PCDHA7: variants seen among roughly 807,000 people sequenced by gnomAD.
PCDHA7 encodes protocadherin alpha-7.
PCDHA7 carries 37 observed loss-of-function variants against 57.2 expected under a neutral mutation model. The observed-to-expected ratio is 0.65, with a 90% CI of 0.50 to 0.85. PCDHA7 has a LOEUF of 0.85. PCDHA7 is among the 40% of genes least tolerant of loss of function. The pLI is 0.00. For synonymous variants in PCDHA7, 553 were observed against 558.8 expected, an observed-to-expected ratio of 0.99 and a Z score of 0.15; for missense variants, 1,188 against 1,241.8, an observed-to-expected ratio of 0.96 and a Z score of 0.65.
In PCDHA7 at chr5:140,946,611, A is replaced by AATATATATATATAT. The variant is rs1554217734; in HGVS notation, c.2356-32330_2356-32317dup. Among the ~76,000 whole-genome samples the AATATATATATATAT allele has an allele frequency of 6.8e-3, 593 of 86,748 alleles. 22 individuals are homozygous for AATATATATATATAT. Among genetic ancestry groups the AATATATATATATAT allele is most frequent in the African/African-American group, 0.021 (323 of 15,664 alleles). The allele number at this position is 86,748 out of a possible 152,430, so 56.9% of individuals were successfully genotyped here. A position where few individuals can be genotyped will look rare whatever the true frequency, so the allele number is the denominator to read the frequency against. On this transcript the variant is annotated intron_variant, in intron 1 of 3. Coordinates refer to ENST00000525929, the MANE Select transcript of PCDHA7 (RefSeq NM_018910.3). ...GGATGAATAGATAAAGAAAATGTGA[A>AATATATATATATAT]ATATATATATATATATATATACAAT... is the stretch of plus-strand genomic sequence containing the variant.
At chr5:140,931,962 A>G (rs1439185046) in intron 1 of PCDHA7, among the ~76,000 whole-genome samples, 1 of 151,924 alleles carries the variant, frequency 6.6e-6, no homozygotes, top group Non-Finnish European at 1.5e-5. Context: ...AATCATGTTG[A>G]TGCATATGTG....
chr5:140,982,648 G>T, intron 3 of PCDHA7, 85 bp downstream of exon 3: 5 of 1,508,154 alleles, frequency 3.3e-6, no homozygotes, highest in Non-Finnish European at 4.4e-6. Flanking sequence ...GAATGTTGAT[G>T]GCTCTTTTTC....
chr5:140,838,939 AAAAT>A lies in PCDHA7; in HGVS notation c.2355+2205_2355+2208del, dbSNP rs140008993. 4.7e-3 allele frequency among the ~76,000 whole-genome samples: 708 copies of A among 152,118 alleles called. 10 individuals are homozygous for A. The highest frequency in any genetic ancestry group is 5.1e-3 in the Non-Finnish European group (345 of 67,986). ...CAAAAATAAAATAAAATGAAATAATAAAATAAAATAAAATAAAAACCCAGAACTG... is the reference window on the plus strand; with the variant it reads ...CAAAAATAAAATAAAATGAAATAATAAAAATAAAATAAAAACCCAGAACTG... On this transcript the variant is annotated intron_variant, in intron 1 of 3. Coordinates refer to ENST00000525929, the MANE Select transcript of PCDHA7 (RefSeq NM_018910.3).
rs2150372271 is a variant in PCDHA7, at chr5:140,844,591, T to C, written c.2355+7853T>C. ...TAATATTCCACATTAAAGTGATATT[T>C]AATATATGACTTAGAAAAATGTTTT... On this transcript the variant is annotated intron_variant, in intron 1 of 3. Transcript: ENST00000525929. Among the ~76,000 whole-genome samples the C allele has an allele frequency of 8.0e-5, 12 of 149,484 alleles. 2 individuals carry two copies. Among genetic ancestry groups the C allele is most frequent in the Non-Finnish European group, 1.6e-4 (11 of 66,840 alleles).
intron 1 of PCDHA7, chr5:140,851,680 A>G (rs2042128414): frequency 2.2e-6 from 2 of 918,856 alleles, no homozygotes; most frequent in African/African-American, 3.6e-5. Flanking sequence ...AATTTTCTCC[A>G]TTCAGTGATA....
chr5:140,850,353 A>G, intron 1 of PCDHA7: 1 of 1,597,852 alleles, frequency 6.3e-7, no homozygotes, highest in Non-Finnish European at 8.6e-7. Context: ...CAGCGCGAGC[A>G]TCCCGTTCCG....
chr5:140,852,387 C>T (rs1288868596), intron 1 of PCDHA7: 3 of 184,816 alleles, frequency 1.6e-5, no homozygotes, highest in African/African-American at 4.9e-5. Context: ...AAGCAATTCT[C>T]CTGCCTCAGC....
At chr5:140,851,542 C>T in intron 1 of PCDHA7, 1 of 907,540 alleles carries the variant, frequency 1.1e-6, no homozygotes, top group Non-Finnish European at 1.3e-6. Context: ...GTAGATAATT[C>T]AAGAAATGTT....
chr5:140,977,701 G>A (rs1299788207), intron 1 of PCDHA7, among the ~76,000 whole-genome samples: 2 of 152,146 alleles, frequency 1.3e-5, no homozygotes, highest in African/African-American at 4.8e-5. Context: ...AAATCTGTCT[G>A]AATATTGAGA....
intron 1 of PCDHA7, chr5:140,841,596 G>A (rs782464159): frequency 6.2e-7 from 1 of 1,614,094 alleles, no homozygotes; most frequent in Non-Finnish European, 8.5e-7. Flanking sequence ...CGGATCGACC[G>A]CGAGGAGCTG....
At position 140,836,595 on chromosome 5, in the gene PCDHA7, ACT is replaced by A. The variant is rs2150265014; in HGVS notation, c.2215_2216del (p.Leu739GlyfsTer53). 1 of 1,613,556 alleles carries A rather than the reference ACT, an allele frequency of 6.2e-7. No homozygotes were observed. The highest frequency in any genetic ancestry group is 8.5e-7 in the Non-Finnish European group (1 of 1,179,788). ...SEGACSLVKP[T>X]LVCSSAVGSW... ...GGGCGCATGTAGTTTGGTAAAGCCC[ACT>A]CTGGTGTGCTCCAGCGCGGTGGGGA... On this transcript the variant is annotated frameshift_variant, in exon 1 of 4. Transcript: ENST00000525929. LOFTEE classifies it high-confidence loss of function.
intron 1 of PCDHA7, chr5:140,841,873 A>T: frequency 6.2e-7 from 1 of 1,613,866 alleles, no homozygotes; most frequent in Non-Finnish European, 8.5e-7. Context: ...ATGTGAATTC[A>T]AAGAACGATG....
At chr5:140,999,524 C>T (rs1367103048) in intron 3 of PCDHA7, among the ~76,000 whole-genome samples, 1 of 152,026 alleles carries the variant, frequency 6.6e-6, no homozygotes, top group Non-Finnish European at 1.5e-5. Context: ...ATTTTGTTAC[C>T]CCCTGGATAT....
chr5:140,959,763 C>A (rs2095510059), intron 1 of PCDHA7, among the ~76,000 whole-genome samples: 2 of 152,170 alleles, frequency 1.3e-5, no homozygotes, highest in South Asian at 4.1e-4. Flanking sequence ...TTTTAATATT[C>A]AGTAAGAACA....
chr5:141,004,883 A>T (rs1273215928), intron 3 of PCDHA7, among the ~76,000 whole-genome samples: 4 of 152,132 alleles, frequency 2.6e-5, no homozygotes, highest in Admixed American at 2.0e-4. Flanking sequence ...CTAAAGTGCT[A>T]TTGTGTCAGC....
Position 140,838,464 on chromosome 5 carries a change from C to T in PCDHA7, c.2355+1726C>T, listed in dbSNP as rs2150289742. Among the ~76,000 whole-genome samples the T allele has an allele frequency of 1.1e-4, 16 of 151,566 alleles. 1 individual carries two copies. In the South Asian group the frequency reaches 2.5e-3, roughly 24 times the overall value. ...GTTTTGTGGCATATTATTTCATTAG[C>T]GCTTATTCCTTGTTTTTGATTATTT... is the stretch of plus-strand genomic sequence containing the variant. On this transcript the variant is annotated intron_variant, in intron 1 of 3. Coordinates refer to ENST00000525929, the MANE Select transcript of PCDHA7 (RefSeq NM_018910.3).
At chr5:140,879,802 T>A (rs535783687) in intron 1 of PCDHA7, among the ~76,000 whole-genome samples, 1 of 152,330 alleles carries the variant, frequency 6.6e-6, no homozygotes, top group Non-Finnish European at 1.5e-5. Flanking sequence ...TCTTCCAGTT[T>A]CTATTGGCTG....
chr5:140,993,256 A>C lies in PCDHA7; in HGVS notation c.2503+10693A>C, dbSNP rs1419636248. Among the ~76,000 whole-genome samples, 3 of 152,148 alleles carry C rather than the reference A, an allele frequency of 2.0e-5. No homozygotes were observed. In the East Asian group the frequency reaches 5.8e-4, roughly 29 times the overall value. On this transcript the variant is annotated intron_variant, in intron 3 of 3. Coordinates refer to ENST00000525929, the MANE Select transcript of PCDHA7 (RefSeq NM_018910.3). The stretch of plus-strand genomic sequence containing the variant: ...CTGAATCTGGGGATTTAGATATATA[A>C]ATTAGCTTCTTTGGTCTTTTCTTGC...
chr5:140,836,566 C>T lies in PCDHA7; in HGVS notation c.2183C>T (p.Ser728Phe). 1 of 1,613,742 alleles carries T rather than the reference C, an allele frequency of 6.2e-7. No homozygotes were observed. Among genetic ancestry groups the T allele is most frequent in the Non-Finnish European group, 8.5e-7 (1 of 1,179,814 alleles). The change falls in exon 1 of 4, where the codon TCT becomes TTT. Residue 728 changes from serine (S) to phenylalanine (F), a missense_variant. This residue lies in a region of PCDHA7 where 892 missense variants were observed against 788.5 expected (regional missense o/e 1.13). Transcript: ENST00000525929. The stretch of plus-strand genomic sequence containing the variant: ...GCGTTGCGGTGCTCAGCGCCGTCCT[C>T]TGAGGGCGCATGTAGTTTGGTAAAG... Reference protein sequence around the residue: ...YTALRCSAPSSEGACSLVKPT... With the variant: ...YTALRCSAPSFEGACSLVKPT...
Sources: allele counts gnomAD v4.1 joint callset (sites outside exome capture counted in the v4.1 genomes callset), GRCh38; gene constraint gnomAD v4.1.1; regional missense constraint gnomAD v4.1.1; transcripts MANE v1.5; gene names NCBI Gene and HGNC (gene_info 2026-07-23, HGNC 2026-07-21).